PCDHGA5: variants seen among roughly 807,000 people sequenced by gnomAD.
The protein encoded by PCDHGA5 is protocadherin gamma-A5.
In PCDHGA5, 36 loss-of-function variants were observed where a neutral mutation model predicts 56.7. The observed-to-expected ratio is 0.64, with a 90% CI of 0.49 to 0.84. The LOEUF (loss-of-function observed/expected upper bound fraction) is 0.84. PCDHGA5 is among the 40% of genes least tolerant of loss of function. The pLI is 0.00. For missense variants in PCDHGA5, 1,305 were observed against 1,201.5 expected, an observed-to-expected ratio of 1.09 and a Z score of -1.27; for synonymous variants, 563 against 520.2, an observed-to-expected ratio of 1.08 and a Z score of -1.12.
Position 141,510,979 on chromosome 5 carries a change from G to A in PCDHGA5, c.2602G>A (p.Gly868Ser). 6.2e-7 allele frequency: 1 copy of A among 1,614,156 alleles called. No homozygotes were observed. The highest frequency in any genetic ancestry group is 8.5e-7 in the Non-Finnish European group (1 of 1,180,018). Reference sequence around the variant, plus strand: ...TGATGGGAGCTCCACCCTGGGAGGGGGTGCCGGCACCATGGGATTGAGCGC... The same window carrying A: ...TGATGGGAGCTCCACCCTGGGAGGGAGTGCCGGCACCATGGGATTGAGCGC... ...AADGSSTLGG[G>S]AGTMGLSARY... The change falls in exon 4 of 4, where the codon GGT becomes AGT. Residue 868 changes from glycine (G) to serine (S), a missense_variant. Physicochemically the swap from Gly to Ser is moderately conservative, Grantham distance 56. Transcript: ENST00000518069.
intron 1 of PCDHGA5, chr5:141,426,986 C>T (rs764345099): frequency 1.8e-5 from 8 of 456,618 alleles, no homozygotes; most frequent in South Asian, 7.7e-5. Flanking sequence ...CTGATGCCAA[C>T]GATAATGCCC....
intron 1 of PCDHGA5, among the ~76,000 whole-genome samples, chr5:141,472,400 G>A (rs2099279115): frequency 6.6e-6 from 1 of 152,024 alleles, no homozygotes; most frequent in East Asian, 1.9e-4. Flanking sequence ...AATTAGCCAG[G>A]CGTGGTGGCA....
intron 1 of PCDHGA5, chr5:141,372,960 G>T (rs1769206598): frequency 1.4e-6 from 1 of 709,456 alleles, no homozygotes; most frequent in Non-Finnish European, 2.2e-6. Context: ...ATTCTTTGTA[G>T]AATTTCCTGT....
chr5:141,473,763 GGATTTGGT>G (rs1358359618), intron 1 of PCDHGA5, among the ~76,000 whole-genome samples: 73 of 152,322 alleles, frequency 4.8e-4, no homozygotes, highest in African/African-American at 1.7e-3. Context: ...ACTATGCAAA[GGATTTGGT>G]ATTTTAATTC....
intron 2 of PCDHGA5, among the ~76,000 whole-genome samples, chr5:141,504,238 G>A (rs1043662594): frequency 2.0e-5 from 3 of 152,228 alleles, no homozygotes; most frequent in African/African-American, 7.2e-5. Flanking sequence ...CTAAGAAGCA[G>A]AGAGTTCTTC....
At chr5:141,380,834 G>T (rs559775684) in intron 1 of PCDHGA5, among the ~76,000 whole-genome samples, 2 of 152,154 alleles carry the variant, frequency 1.3e-5, no homozygotes, top group Admixed American at 1.3e-4. Flanking sequence ...TGAGGCATCA[G>T]GTAAAAATGG....
intron 1 of PCDHGA5, chr5:141,428,419 C>G: frequency 4.4e-6 from 2 of 451,920 alleles, no homozygotes; most frequent in Non-Finnish European, 4.1e-6. Flanking sequence ...TCACCCTGGT[C>G]TCTGTTCTAA....
chr5:141,375,495 T>A, intron 1 of PCDHGA5: 1 of 1,613,918 alleles, frequency 6.2e-7, no homozygotes, highest in Admixed American at 1.7e-5. Flanking sequence ...GGTGCCTCCA[T>A]CTTCTCTGTG....
At position 141,432,069 on chromosome 5, in the gene PCDHGA5, A is replaced by G. The variant is rs572724741; in HGVS notation, c.2422-62738A>G. On this transcript the variant is annotated intron_variant, in intron 1 of 3. Transcript: ENST00000518069. The surrounding 1 kb of genome is among the most constrained non-coding windows in gnomAD (Gnocchi z 6.0). ...ACCCCGCCCCTATCCACGGAAACTC[A>G]TATCTCGCTGAACGTGGCAGACACC... 646 of 1,614,168 alleles carry G rather than the reference A, an allele frequency of 4.0e-4. 5 individuals are homozygous for G. In the South Asian group the frequency reaches 6.9e-3, roughly 17 times the overall value.
At chr5:141,395,177 T>C in intron 1 of PCDHGA5, 2 of 1,614,120 alleles carry the variant, frequency 1.2e-6, no homozygotes, top group South Asian at 2.2e-5. Flanking sequence ...GTGAGAAAAA[T>C]GATTCTTTGT....
chr5:141,422,330 C>A, intron 1 of PCDHGA5: 1 of 1,548,166 alleles, frequency 6.5e-7, no homozygotes. Flanking sequence ...ACAGTGATTG[C>A]TCTTCTAAAT....
rs1272166319 is a variant in PCDHGA5, at chr5:141,370,826, A to C, written c.2421+4075A>C. Reference sequence around the variant, plus strand: ...ATATCACTGAGCTGGAAATCAGCGAACTGGCTCTCACTGGAGCCACATTTG... The same window carrying C: ...ATATCACTGAGCTGGAAATCAGCGACCTGGCTCTCACTGGAGCCACATTTG... On this transcript the variant is annotated intron_variant, in intron 1 of 3. Coordinates refer to ENST00000518069, the MANE Select transcript of PCDHGA5 (RefSeq NM_018918.3). The C allele has an allele frequency of 1.1e-5, 18 of 1,613,884 alleles. No homozygotes were observed. The Admixed American group carries it at 3.0e-4, about 27-fold the overall frequency.
chr5:141,421,491 A>G (rs934861223), intron 1 of PCDHGA5: 8 of 1,614,102 alleles, frequency 5.0e-6, no homozygotes, highest in Non-Finnish European at 6.8e-6. Context: ...TGATCACGGC[A>G]GGCAGGATAG....
chr5:141,374,582 C>T, intron 1 of PCDHGA5: 1 of 1,613,744 alleles, frequency 6.2e-7, no homozygotes, highest in Non-Finnish European at 8.5e-7. Context: ...AATGAACTCC[C>T]TTCAGGGATT....
At chr5:141,371,044 G>C in intron 1 of PCDHGA5, 1 of 1,613,964 alleles carries the variant, frequency 6.2e-7, no homozygotes, top group Admixed American at 1.7e-5. Context: ...GCTGTGGATG[G>C]GGGCGAGCCC....
At chr5:141,452,635 T>C (rs1426970634) in intron 1 of PCDHGA5, among the ~76,000 whole-genome samples, 1 of 152,086 alleles carries the variant, frequency 6.6e-6, no homozygotes, top group Non-Finnish European at 1.5e-5. Context: ...GCTATGAATA[T>C]ATTTACTCAT....
At chr5:141,403,131 C>A (rs1377543238) in intron 1 of PCDHGA5, 2 of 1,613,916 alleles carry the variant, frequency 1.2e-6, no homozygotes, top group East Asian at 4.5e-5. Context: ...CGGGAGCTGG[C>A]GGAGCGCCGA....
At chr5:141,440,983 G>A (rs2154559140) in intron 1 of PCDHGA5, 1 of 152,314 alleles carries the variant, frequency 6.6e-6, no homozygotes, top group South Asian at 2.1e-4. Flanking sequence ...TCACAACCCA[G>A]AGTACCCATA....
intron 1 of PCDHGA5, chr5:141,415,899 G>A (rs1224954481): frequency 1.2e-6 from 1 of 869,552 alleles, no homozygotes; most frequent in Non-Finnish European, 1.6e-6. Flanking sequence ...TCCTAAGACA[G>A]ACTTCCATAC....
Sources: allele counts gnomAD v4.1 joint callset (sites outside exome capture counted in the v4.1 genomes callset), GRCh38; gene constraint gnomAD v4.1.1; non-coding constraint Gnocchi (gnomAD v3.1); transcripts MANE v1.5; gene names NCBI Gene and HGNC (gene_info 2026-07-23, HGNC 2026-07-21).